The following SRGAP1 variants were observed in gnomAD, a reference collection of about 807,000 sequenced individuals.
SRGAP1 encodes the protein SLIT-ROBO Rho GTPase activating protein 1, also known as SLIT-ROBO Rho GTPase-activating protein 1.
Under a neutral mutation model 121.9 loss-of-function variants are expected in SRGAP1, and 43 were observed. That is an observed-to-expected ratio of 0.35 (90% confidence interval 0.28 to 0.46). The LOEUF (loss-of-function observed/expected upper bound fraction) is 0.46, where lower values mean the gene tolerates loss of function less well. Ranked by LOEUF, SRGAP1 falls within the 20% of genes least tolerant of loss-of-function variation. The pLI, the probability that SRGAP1 is intolerant of heterozygous loss-of-function variation, is 1.00. For synonymous variants in SRGAP1, 447 were observed against 485.4 expected (o/e 0.92, Z 1.04); for missense variants, 1,102 against 1,350.9 (o/e 0.82, Z 2.89).
intron 5 of SRGAP1, 28 bp from the exon 6 acceptor site, chr12:64,043,418 TC>T (rs770619499): frequency 1.3e-6 from 2 of 1,593,960 alleles, no homozygotes; most frequent in African/African-American, 2.7e-5. Context: ...TTGCATTCTT[TC>T]CCAATGCCTG....
chr12:63,949,389 TTTATTATTTA>T (rs1185484202), intron 1 of SRGAP1, among the ~76,000 whole-genome samples: 1 of 124,000 alleles, frequency 8.1e-6, no homozygotes, highest in Non-Finnish European at 1.7e-5. Flanking sequence ...ATCAGACATT[TTTATTATTTA>T]TTATTATTAT....
At chr12:64,052,902 G>A (rs887543313) in intron 6 of SRGAP1, among the ~76,000 whole-genome samples, 4 of 152,120 alleles carry the variant, frequency 2.6e-5, no homozygotes, top group Admixed American at 6.5e-5. Context: ...CATGTACAAC[G>A]TTTTCACAAT....
intron 1 of SRGAP1, among the ~76,000 whole-genome samples, chr12:63,942,641 A>G (rs2031908190): frequency 6.6e-6 from 1 of 152,178 alleles, no homozygotes; most frequent in Admixed American, 6.5e-5. Context: ...ATGAACCATT[A>G]TTACCATCAC....
chr12:63,889,301 C>T (rs1900497806), intron 1 of SRGAP1, among the ~76,000 whole-genome samples: 1 of 152,126 alleles, frequency 6.6e-6, no homozygotes, highest in Non-Finnish European at 1.5e-5. Context: ...ACACATAATG[C>T]CCTGCTGACA....
chr12:64,126,255 G>A, intron 19 of SRGAP1, 98 bp downstream of exon 19: 2 of 1,337,658 alleles, frequency 1.5e-6, no homozygotes. Flanking sequence ...GGAGCAGAAG[G>A]GATTACAGAG....
intron 21 of SRGAP1, among the ~76,000 whole-genome samples, chr12:64,134,311 C>CT (rs1185796447): frequency 1.3e-5 from 2 of 151,786 alleles, no homozygotes; most frequent in Admixed American, 6.6e-5. Flanking sequence ...GTCCCAGCTA[C>CT]TTGGGAGGCT....
intron 15 of SRGAP1, among the ~76,000 whole-genome samples, chr12:64,099,019 T>C (rs1295608846): frequency 6.6e-6 from 1 of 152,220 alleles, no homozygotes; most frequent in Non-Finnish European, 1.5e-5. Flanking sequence ...GTCCAGAATT[T>C]TTCTGATCTC....
intron 1 of SRGAP1, among the ~76,000 whole-genome samples, chr12:63,857,526 T>TGC (rs1349661940): frequency 5.9e-5 from 9 of 151,790 alleles, no homozygotes; most frequent in Non-Finnish European, 1.0e-4. Flanking sequence ...GTATTACAGG[T>TGC]GTGCACCACC....
intron 1 of SRGAP1, among the ~76,000 whole-genome samples, chr12:63,873,848 C>T (rs1003279608): frequency 6.0e-5 from 9 of 151,164 alleles, no homozygotes; most frequent in Non-Finnish European, 7.4e-5. Context: ...GGTAACGTGA[C>T]GAAACTCTGT....
At chr12:63,932,842 TTGAAG>T (rs2031527952) in intron 1 of SRGAP1, among the ~76,000 whole-genome samples, 1 of 152,174 alleles carries the variant, frequency 6.6e-6, no homozygotes, top group Non-Finnish European at 1.5e-5. Context: ...ATGAGACTGG[TTGAAG>T]TGGAAAATCA....
At chr12:64,000,891 G>A (rs2033873547) in intron 3 of SRGAP1, among the ~76,000 whole-genome samples, 1 of 152,038 alleles carries the variant, frequency 6.6e-6, no homozygotes, top group African/African-American at 2.4e-5. Context: ...TGGTCTATTG[G>A]GAAAATAAGG....
chr12:64,010,775 T>C (rs7297628), intron 3 of SRGAP1, among the ~76,000 whole-genome samples: 77,403 of 151,684 alleles, frequency 0.51, 21,289 homozygotes, highest in African/African-American at 0.71. Flanking sequence ...TTAGCAATTC[T>C]TTTTTGTCAG....
chr12:64,081,495 C>T (rs2035840328), intron 10 of SRGAP1: 1 of 148,842 alleles, frequency 6.7e-6, no homozygotes, highest in South Asian at 2.1e-4. Context: ...ACAACGCAAA[C>T]TACTAAAAAG....
chr12:64,123,299 A>G (rs976363651), intron 18 of SRGAP1, among the ~76,000 whole-genome samples: 2 of 152,176 alleles, frequency 1.3e-5, no homozygotes, highest in Non-Finnish European at 2.9e-5. Context: ...GTGAGCAATG[A>G]TTGTGCTACT....
chr12:64,066,237 T>C (rs2035538239), intron 8 of SRGAP1, among the ~76,000 whole-genome samples: 2 of 152,188 alleles, frequency 1.3e-5, no homozygotes, highest in Non-Finnish European at 1.5e-5. Flanking sequence ...AACTATGTGG[T>C]CCCTTTTAAA....
At chr12:63,868,235 C>T (rs1407722256) in intron 1 of SRGAP1, among the ~76,000 whole-genome samples, 2 of 151,278 alleles carry the variant, frequency 1.3e-5, no homozygotes, top group Admixed American at 1.3e-4. Context: ...GTGTGCACCA[C>T]CACACCCAGC....
At chr12:64,110,754 GA>G (rs2036418812) in intron 16 of SRGAP1, among the ~76,000 whole-genome samples, 2 of 152,122 alleles carry the variant, frequency 1.3e-5, no homozygotes, top group Non-Finnish European at 2.9e-5. Flanking sequence ...GTGTGTTTGA[GA>G]AATGGCAGAA....
At position 63,903,134 on chromosome 12, in the gene SRGAP1, C is replaced by T. The variant is rs572707288; in HGVS notation, c.67+58251C>T. Reference sequence around the variant, plus strand: ...CTATTATTTGGGAAAATTTTAAGCACGCTTTCAAGTAGAGAGACTAGTACA... The same window carrying T: ...CTATTATTTGGGAAAATTTTAAGCATGCTTTCAAGTAGAGAGACTAGTACA... On this transcript the variant is annotated intron_variant, in intron 1 of 21. Transcript: ENST00000355086. Among the ~76,000 whole-genome samples, 518 of 152,152 alleles carry T rather than the reference C, an allele frequency of 3.4e-3. 2 individuals are homozygous for T. Among genetic ancestry groups the T allele is most frequent in the Non-Finnish European group, 5.8e-3 (391 of 67,998 alleles).
intron 1 of SRGAP1, among the ~76,000 whole-genome samples, chr12:63,874,957 T>C (rs532121341): frequency 6.6e-6 from 1 of 152,332 alleles, no homozygotes; most frequent in African/African-American, 2.4e-5. Flanking sequence ...GCTCTGCTGC[T>C]CAGGCTAGAG....
Sources: allele counts gnomAD v4.1 joint callset (sites outside exome capture counted in the v4.1 genomes callset), GRCh38; gene constraint gnomAD v4.1.1; transcripts MANE v1.5; gene names NCBI Gene and HGNC (gene_info 2026-07-23, HGNC 2026-07-21).